The following FAM222A variants were observed in gnomAD, a reference collection of about 807,000 sequenced individuals.
The protein encoded by FAM222A is family with sequence similarity 222 member A.
A neutral mutation model predicts 25.8 loss-of-function variants in FAM222A; 7 were observed. That is an observed-to-expected ratio of 0.27 (90% confidence interval 0.15 to 0.51). FAM222A has a LOEUF of 0.51. Among genes scored for constraint, FAM222A ranks in the 20% least tolerant of loss-of-function variants. The pLI is 0.97. For synonymous variants in FAM222A, 294 were observed against 298.8 expected (o/e 0.98, Z 0.17); for missense variants, 573 against 640.5 (o/e 0.89, Z 1.14).
intron 2 of FAM222A, among the ~76,000 whole-genome samples, chr12:109,764,323 A>G (rs2136384173): frequency 6.6e-6 from 1 of 151,810 alleles, no homozygotes; most frequent in East Asian, 1.9e-4. Context: ...TGGCAGAGGG[A>G]CCAGGTCACC....
intron 1 of FAM222A, among the ~76,000 whole-genome samples, chr12:109,724,215 C>T (rs115502729): frequency 6.6e-6 from 1 of 152,384 alleles, no homozygotes; most frequent in African/African-American, 2.4e-5. Context: ...TTGGCACGTG[C>T]CATGCCATGG....
chr12:109,754,679 T>G (rs947489143), intron 2 of FAM222A, among the ~76,000 whole-genome samples: 15 of 152,210 alleles, frequency 9.9e-5, no homozygotes, highest in African/African-American at 3.6e-4. Context: ...TTTTTTTTTT[T>G]TTCTTTGAAA....
intron 2 of FAM222A, among the ~76,000 whole-genome samples, chr12:109,757,449 C>A (rs1344900687): frequency 6.6e-6 from 1 of 152,122 alleles, no homozygotes; most frequent in Non-Finnish European, 1.5e-5. Context: ...GAGACATATG[C>A]CATGCTGGGG....
chr12:109,730,741 G>A (rs1270946941), intron 1 of FAM222A, among the ~76,000 whole-genome samples: 4 of 152,190 alleles, frequency 2.6e-5, no homozygotes, highest in African/African-American at 4.8e-5. Context: ...GACTGCACTC[G>A]TTGGAGCATC....
chr12:109,722,399 G>A (rs538587449), intron 1 of FAM222A: 14 of 152,394 alleles, frequency 9.2e-5, no homozygotes, highest in Non-Finnish European at 1.6e-4. Flanking sequence ...TGCTTGGGGG[G>A]CTACCTTCAG....
At chr12:109,738,647 T>C (rs1169974149) in intron 1 of FAM222A, among the ~76,000 whole-genome samples, 4 of 152,264 alleles carry the variant, frequency 2.6e-5, no homozygotes, top group African/African-American at 9.6e-5. Flanking sequence ...GATGAACTGC[T>C]GGGTTTTGCC....
chr12:109,719,079 G>C (rs1483534805), intron 1 of FAM222A, among the ~76,000 whole-genome samples: 1 of 152,196 alleles, frequency 6.6e-6, no homozygotes, highest in African/African-American at 2.4e-5. Context: ...AGACCACACA[G>C]CCAATGTGCA....
At chr12:109,750,631 C>T (rs761291298) in intron 2 of FAM222A, among the ~76,000 whole-genome samples, 11 of 152,092 alleles carry the variant, frequency 7.2e-5, no homozygotes, top group Non-Finnish European at 8.8e-5. Context: ...CAATAGTGCT[C>T]ACTACCAAAT....
chr12:109,739,137 C>T (rs1888164956), intron 1 of FAM222A, among the ~76,000 whole-genome samples: 1 of 152,256 alleles, frequency 6.6e-6, no homozygotes, highest in Admixed American at 6.5e-5. Flanking sequence ...CTCAGAGGCG[C>T]AGCCCATGGC....
chr12:109,746,639 A>G (rs907367294), intron 2 of FAM222A, among the ~76,000 whole-genome samples: 1 of 152,204 alleles, frequency 6.6e-6, no homozygotes, highest in African/African-American at 2.4e-5. Flanking sequence ...TTGAGATATA[A>G]TTCATATACC....
rs750840266 is a variant in FAM222A at position 109,768,001 on chromosome 12, T to G, written c.83-11T>G. 9.3e-6 allele frequency: 15 copies of G among 1,608,336 alleles called. No individual in the cohort carries two copies. In the South Asian group the frequency reaches 1.7e-4, roughly 18 times the overall value. On this transcript the variant is annotated splice_polypyrimidine_tract_variant and intron_variant, in intron 2 of 2. Coordinates refer to ENST00000538780, the MANE Select transcript of FAM222A (RefSeq NM_032829.3). ...TCCTGATGGGCCCTCACACCTGCTTTCCTCCCACAGGCGAGGCGGTGGCCA... is the reference window on the plus strand; with the variant it reads ...TCCTGATGGGCCCTCACACCTGCTTGCCTCCCACAGGCGAGGCGGTGGCCA...
At chr12:109,734,824 G>A (rs900800292) in intron 1 of FAM222A, 2 of 152,130 alleles carry the variant, frequency 1.3e-5, no homozygotes, top group Non-Finnish European at 2.9e-5. Flanking sequence ...CCTGACCATA[G>A]GAGGGGTTAG....
intron 2 of FAM222A, among the ~76,000 whole-genome samples, chr12:109,745,052 C>T (rs1357484991): frequency 2.6e-5 from 4 of 151,916 alleles, no homozygotes; most frequent in Non-Finnish European, 5.9e-5. Context: ...TATCTTTAGA[C>T]AAGGGAACAT....
intron 2 of FAM222A, among the ~76,000 whole-genome samples, chr12:109,764,392 A>T (rs1888985079): frequency 6.6e-6 from 1 of 152,152 alleles, no homozygotes; most frequent in South Asian, 2.1e-4. Context: ...GTGAATGGGG[A>T]CTAGGAACAG....
chr12:109,715,261 T>C (rs986033633), intron 1 of FAM222A, among the ~76,000 whole-genome samples: 4 of 151,960 alleles, frequency 2.6e-5, no homozygotes, highest in African/African-American at 9.7e-5. Flanking sequence ...ACGTTGAGGG[T>C]CTCCCGAGCA....
chr12:109,732,367 C>T (rs1439719082), intron 1 of FAM222A, among the ~76,000 whole-genome samples: 1 of 152,262 alleles, frequency 6.6e-6, no homozygotes, highest in African/African-American at 2.4e-5. Context: ...ACATTCTGCC[C>T]AGGTGCTGTG....
chr12:109,739,735 C>T (rs371721649), intron 1 of FAM222A, among the ~76,000 whole-genome samples: 7 of 152,142 alleles, frequency 4.6e-5, no homozygotes, highest in Non-Finnish European at 7.3e-5. Flanking sequence ...CCCCCAACCA[C>T]GATGGAGCTG....
At chr12:109,745,900 C>T (rs1888386442) in intron 2 of FAM222A, among the ~76,000 whole-genome samples, 1 of 150,584 alleles carries the variant, frequency 6.6e-6, no homozygotes, top group African/African-American at 2.4e-5. Flanking sequence ...TACTTATCTC[C>T]TTGGCTCCTT....
Position 109,768,621 on chromosome 12 carries a change from C to G in FAM222A, c.692C>G (p.Ala231Gly), listed in dbSNP as rs1592804564. The change falls in exon 3 of 3, where the codon GCC (alanine) becomes GGC (glycine). Residue 231 changes from alanine (A) to glycine (G), a missense_variant. By Grantham distance (60) the Ala-to-Gly change is moderately conservative. This residue lies in a region of FAM222A where 412 missense variants were observed against 407.0 expected (regional missense o/e 1.01). Transcript: ENST00000538780. ...QGMAIPHPSPAKHGPVPSFPS... is the reference protein window; with the variant it reads ...QGMAIPHPSPGKHGPVPSFPS... ...ATGGCTATTCCCCATCCCAGCCCTGCCAAGCACGGCCCAGTGCCCAGCTTC... is the reference window on the plus strand; with the variant it reads ...ATGGCTATTCCCCATCCCAGCCCTGGCAAGCACGGCCCAGTGCCCAGCTTC... 6.2e-7 allele frequency: 1 copy of G among 1,602,816 alleles called. No individual in the cohort carries two copies. The highest frequency in any genetic ancestry group is 8.5e-7 in the Non-Finnish European group (1 of 1,179,400).
Sources: allele counts gnomAD v4.1 joint callset (sites outside exome capture counted in the v4.1 genomes callset), GRCh38; gene constraint gnomAD v4.1.1; regional missense constraint gnomAD v4.1.1; transcripts MANE v1.5; gene names NCBI Gene and HGNC (gene_info 2026-07-23, HGNC 2026-07-21).